The following CCDC171 variants were observed in gnomAD, a reference collection of about 807,000 sequenced individuals.
CCDC171 encodes coiled-coil domain containing 171.
In CCDC171, 177 loss-of-function variants were observed where a neutral mutation model predicts 168.2. That is an observed-to-expected ratio of 1.05 (90% CI 0.93 to 1.19). The LOEUF (loss-of-function observed/expected upper bound fraction) is 1.19, where lower values mean the gene tolerates loss of function less well. Ranked by LOEUF, CCDC171 falls within the 50% of genes most tolerant of loss-of-function variation. The pLI, the probability that CCDC171 is intolerant of heterozygous loss-of-function variation, is 0.00. For missense variants in CCDC171, 1,991 were observed against 1,539.0 expected, an observed-to-expected ratio of 1.29 and a Z score of -4.91; for synonymous variants, 687 against 540.8, an observed-to-expected ratio of 1.27 and a Z score of -3.75.
At chr9:15,585,556 T>A (rs916060219) in intron 4 of CCDC171, among the ~76,000 whole-genome samples, 21 of 152,230 alleles carry the variant, frequency 1.4e-4, no homozygotes, top group Middle Eastern at 3.4e-3. Context: ...AAAAAAAGAA[T>A]CTAAACAGTG....
intron 3 of CCDC171, among the ~76,000 whole-genome samples, chr9:15,993,268 C>T (rs1174713534): frequency 2.6e-5 from 4 of 152,116 alleles, no homozygotes; most frequent in African/African-American, 7.2e-5. Context: ...TGGAACAGAA[C>T]AGAGCCCTCA....
intron 7 of CCDC171, among the ~76,000 whole-genome samples, chr9:15,629,921 CA>C (rs1349928928): frequency 1.3e-5 from 2 of 152,124 alleles, no homozygotes; most frequent in Non-Finnish European, 2.9e-5. Context: ...CTTATCCAGC[CA>C]AACTAAGCTT....
intron 3 of CCDC171, among the ~76,000 whole-genome samples, chr9:16,001,110 G>C (rs1832529296): frequency 6.6e-6 from 1 of 152,206 alleles, no homozygotes; most frequent in Non-Finnish European, 1.5e-5. Context: ...GAACTTTCTA[G>C]TGACTCAGAG....
the CCDC171 span, among the ~76,000 whole-genome samples, chr9:16,105,655 A>T: frequency 1.3e-5 from 2 of 152,232 alleles, no homozygotes; most frequent in African/African-American, 4.8e-5. Context: ...CATTCTGTAA[A>T]GGAAAAGCAA....
intron 21 of CCDC171, among the ~76,000 whole-genome samples, chr9:15,827,130 C>T (rs115205086): frequency 3.9e-5 from 6 of 152,210 alleles, no homozygotes; most frequent in East Asian, 3.9e-4. Context: ...CACCACCACT[C>T]GTAGCTAGTT....
intron 3 of CCDC171, among the ~76,000 whole-genome samples, chr9:15,573,569 A>G (rs1250732663): frequency 6.6e-6 from 1 of 151,978 alleles, no homozygotes; most frequent in Non-Finnish European, 1.5e-5. Context: ...GGCGTGAGCC[A>G]CTGTGCCCCG....
At chr9:15,929,201 G>C (rs1477905518) in intron 25 of CCDC171, among the ~76,000 whole-genome samples, 2 of 151,682 alleles carry the variant, frequency 1.3e-5, no homozygotes, top group African/African-American at 2.4e-5. Flanking sequence ...CAGTATAATT[G>C]ATTAGTAATT....
In CCDC171 at chr9:15,695,343, T is replaced by G; in HGVS notation, c.1318+6T>G. 1 of 1,608,344 alleles carries G rather than the reference T, an allele frequency of 6.2e-7. No homozygotes were observed. The highest frequency in any genetic ancestry group is 1.7e-4 in the Middle Eastern group (1 of 6,046). ...GTCGGGCCAGTGGACATCAGGTTAG[T>G]TGAAGGTATAAAATGACAGATGCAT... On this transcript the variant is annotated splice_donor_region_variant and intron_variant, in intron 11 of 25. Coordinates refer to ENST00000380701, the MANE Select transcript of CCDC171 (RefSeq NM_173550.4).
intron 18 of CCDC171, among the ~76,000 whole-genome samples, chr9:15,749,744 G>C (rs940682497): frequency 6.6e-6 from 1 of 152,008 alleles, no homozygotes; most frequent in African/African-American, 2.4e-5. Flanking sequence ...ACAAAATGAA[G>C]GCAGAAATAA....
intron 21 of CCDC171, among the ~76,000 whole-genome samples, chr9:15,824,184 C>G (rs188456652): frequency 1.6e-3 from 242 of 152,092 alleles, no homozygotes; most frequent in Non-Finnish European, 2.7e-3. Context: ...CTATGTTTAT[C>G]TGTATAGACA....
At chr9:16,033,578 A>C (rs928193544) in intron 6 of CCDC171, among the ~76,000 whole-genome samples, 1 of 152,184 alleles carries the variant, frequency 6.6e-6, no homozygotes, top group Non-Finnish European at 1.5e-5. Context: ...CTGATTCTAC[A>C]TTATGGTGAG....
At chr9:15,993,563 G>C (rs918094549) in intron 3 of CCDC171, among the ~76,000 whole-genome samples, 3 of 152,144 alleles carry the variant, frequency 2.0e-5, no homozygotes, top group African/African-American at 2.4e-5. Context: ...AACACCAAAA[G>C]CAATGGCAAC....
At chr9:16,007,251 T>A (rs1212322176) in intron 3 of CCDC171, among the ~76,000 whole-genome samples, 1 of 152,234 alleles carries the variant, frequency 6.6e-6, no homozygotes, top group Non-Finnish European at 1.5e-5. Flanking sequence ...TGTCTGTTCA[T>A]ATCCTTTGCC....
At chr9:15,915,818 T>C (rs1824419462) in intron 24 of CCDC171, among the ~76,000 whole-genome samples, 2 of 152,202 alleles carry the variant, frequency 1.3e-5, no homozygotes. Flanking sequence ...ATTTTTATCA[T>C]GATGGTATAC....
At chr9:15,809,115 A>G (rs1294343874) in intron 21 of CCDC171, among the ~76,000 whole-genome samples, 1 of 152,214 alleles carries the variant, frequency 6.6e-6, no homozygotes, top group Non-Finnish European at 1.5e-5. Context: ...CTTGGGAGTT[A>G]GGATTTCAAC....
At chr9:15,983,108 T>C (rs561282509) in intron 3 of CCDC171, among the ~76,000 whole-genome samples, 1 of 152,288 alleles carries the variant, frequency 6.6e-6, no homozygotes, top group South Asian at 2.1e-4. Flanking sequence ...TTCATAAAAA[T>C]ACATGATCCT....
At chr9:15,678,565 G>T (rs2049806417) in intron 9 of CCDC171, among the ~76,000 whole-genome samples, 193 bp from the exon 10 acceptor site, 1 of 152,134 alleles carries the variant, frequency 6.6e-6, no homozygotes, top group South Asian at 2.1e-4. Context: ...CTATCAAAGG[G>T]AAAGTAATAT....
intron 3 of CCDC171, among the ~76,000 whole-genome samples, chr9:15,991,490 A>G (rs1364058517): frequency 6.7e-6 from 1 of 150,250 alleles, no homozygotes; most frequent in Non-Finnish European, 1.5e-5. Flanking sequence ...AAGATCTAAA[A>G]TTGACACCCT....
chr9:15,748,912 C>G (rs532373284), intron 18 of CCDC171, among the ~76,000 whole-genome samples: 1 of 152,072 alleles, frequency 6.6e-6, no homozygotes, highest in African/African-American at 2.4e-5. Flanking sequence ...CATCAAGTAA[C>G]GGGCAAAATA....
Sources: gnomAD v4.1 joint callset for allele counts (sites outside exome capture counted in the v4.1 genomes callset) on GRCh38, gnomAD v4.1.1 for gene constraint, MANE v1.5 for transcripts, NCBI Gene and HGNC (gene_info 2026-07-23, HGNC 2026-07-21) for gene names.